The following FAM20B variants were observed in gnomAD, a reference collection of about 807,000 sequenced individuals.
FAM20B encodes glycosaminoglycan xylosylkinase.
Under a neutral mutation model 43.8 loss-of-function variants are expected in FAM20B, and 23 were observed. That is an observed-to-expected ratio of 0.53 (90% CI 0.38 to 0.74). The LOEUF is 0.74. FAM20B is among the 30% of genes least tolerant of loss of function. The probability of loss-of-function intolerance (pLI) is 0.00; values close to 1 mark genes in which losing one functional copy is unlikely to be tolerated. For missense variants in FAM20B, 440 were observed against 510.5 expected, an observed-to-expected ratio of 0.86 and a Z score of 1.33; for synonymous variants, 178 against 192.4, an observed-to-expected ratio of 0.93 and a Z score of 0.62.
intron 2 of FAM20B, 108 bp downstream of exon 2, chr1:179,044,332 A>G (rs1650677064): frequency 8.0e-7 from 1 of 1,245,418 alleles, no homozygotes; most frequent in African/African-American, 1.5e-5. Flanking sequence ...CTTCAGTAAA[A>G]TAAGAGGGGT....
chr1:179,043,790 C>T lies in FAM20B; in HGVS notation c.-58C>T, dbSNP rs1650642368. On this transcript the variant is annotated 5_prime_UTR_variant, in exon 2 of 8. Transcript: ENST00000263733. ...GGAATCTCCTTGCTAACCATCACCA[C>T]CAGCTCTCCTTAATACATGAGCAAG... The T allele has an allele frequency of 1.3e-6, 2 of 1,501,776 alleles. No homozygotes were observed. Among genetic ancestry groups the T allele is most frequent in the East Asian group, 2.3e-5 (1 of 43,894 alleles). The allele number at this position is 1,501,776 out of a possible 1,614,324, so 93.0% of individuals were successfully genotyped here. A position where few individuals can be genotyped will look rare whatever the true frequency, so the allele number is the denominator to read the frequency against.
chr1:179,040,614 G>A (rs1441640008), intron 1 of FAM20B, among the ~76,000 whole-genome samples: 25 of 139,976 alleles, frequency 1.8e-4, no homozygotes, highest in South Asian at 4.4e-4. Context: ...AGGGGCGGCC[G>A]GGCAGAGGCG....
At chr1:179,053,723 A>G (rs1211764760) in intron 3 of FAM20B, among the ~76,000 whole-genome samples, 1 of 152,190 alleles carries the variant, frequency 6.6e-6, no homozygotes, top group African/African-American at 2.4e-5. Context: ...ACTGGGGAAA[A>G]GGTTCATGAT....
chr1:179,058,930 T>G (rs1165290650), intron 4 of FAM20B, among the ~76,000 whole-genome samples: 1 of 152,190 alleles, frequency 6.6e-6, no homozygotes, highest in East Asian at 1.9e-4. Flanking sequence ...GACAAATGAT[T>G]AGTGGAGCTG....
chr1:179,040,355 C>T (rs1194981259), intron 1 of FAM20B, among the ~76,000 whole-genome samples: 1 of 150,718 alleles, frequency 6.6e-6, no homozygotes, highest in Non-Finnish European at 1.5e-5. Context: ...GCCGGCCGGG[C>T]GGGGGGCCAA....
intron 1 of FAM20B, among the ~76,000 whole-genome samples, chr1:179,026,528 G>A (rs1649790110): frequency 6.6e-6 from 1 of 152,160 alleles, no homozygotes; most frequent in Admixed American, 6.5e-5. Flanking sequence ...CGGAGCGCCC[G>A]TTGAGGCAGC....
chr1:179,041,640 G>GGGGAGAC (rs1251051869), intron 1 of FAM20B, among the ~76,000 whole-genome samples: 2 of 123,420 alleles, frequency 1.6e-5, no homozygotes, highest in African/African-American at 3.7e-5. Context: ...GGGAGACCGT[G>GGGGAGAC]GGGAGACGGG....
At chr1:179,047,343 C>T (rs1650814778) in intron 2 of FAM20B, among the ~76,000 whole-genome samples, 1 of 152,196 alleles carries the variant, frequency 6.6e-6, no homozygotes, top group Non-Finnish European at 1.5e-5. Flanking sequence ...GACTTATTAT[C>T]ACTATGTTCC....
At chr1:179,040,176 C>T (rs1303749049) in intron 1 of FAM20B, among the ~76,000 whole-genome samples, 3 of 152,242 alleles carry the variant, frequency 2.0e-5, no homozygotes, top group Non-Finnish European at 1.5e-5. Flanking sequence ...CAATCCTTTC[C>T]CCACCCTTCC....
intron 6 of FAM20B, among the ~76,000 whole-genome samples, chr1:179,066,395 A>G (rs1651690563): frequency 6.6e-6 from 1 of 152,058 alleles, no homozygotes; most frequent in Non-Finnish European, 1.5e-5. Context: ...TCTTTTTACA[A>G]GTAATGGTCA....
At chr1:179,035,378 C>T (rs1229135880) in intron 1 of FAM20B, 13 of 705,732 alleles carry the variant, frequency 1.8e-5, no homozygotes, top group South Asian at 6.8e-5. Flanking sequence ...GTTCGGTCCT[C>T]GTGGGCTTCA....
intron 7 of FAM20B, among the ~76,000 whole-genome samples, chr1:179,067,345 C>G (rs768404406): frequency 2.6e-5 from 4 of 152,184 alleles, no homozygotes; most frequent in African/African-American, 4.8e-5. Context: ...TGGCTCACTC[C>G]TGTAATCCCA....
the FAM20B span, among the ~76,000 whole-genome samples, chr1:179,017,721 C>T: frequency 2.0e-5 from 3 of 152,170 alleles, no homozygotes; most frequent in Admixed American, 1.3e-4. Flanking sequence ...CACACAGCAT[C>T]CACCAGAAGT....
In FAM20B at chr1:179,075,766, T is replaced by C. The variant is rs1357434706; in HGVS notation, c.*3622T>C. The C allele has an allele frequency of 6.6e-6, 1 of 152,358 alleles. No homozygotes were observed. The highest frequency in any genetic ancestry group is 1.5e-5 in the Non-Finnish European group (1 of 67,996). The allele number at this position is 152,358 out of a possible 1,614,324, so 9.4% of individuals were successfully genotyped here. On this transcript the variant is annotated 3_prime_UTR_variant, in exon 8 of 8. Coordinates refer to ENST00000263733, the MANE Select transcript of FAM20B (RefSeq NM_014864.4). Reference sequence around the variant, plus strand: ...TATCTTCCAAAGAAATCGATCTTTTTTTTCTAAAAAAAAAAAATGCTTTTG... The same window carrying C: ...TATCTTCCAAAGAAATCGATCTTTTCTTTCTAAAAAAAAAAAATGCTTTTG...
At chr1:179,064,234 G>C in intron 5 of FAM20B, 71 bp from the exon 6 acceptor site, 1 of 1,453,054 alleles carries the variant, frequency 6.9e-7, no homozygotes, top group Admixed American at 1.9e-5. Context: ...TAGGAACTCT[G>C]TCTTCTCTTT....
chr1:179,040,759 C>T (rs1012226667), intron 1 of FAM20B, among the ~76,000 whole-genome samples: 4 of 150,810 alleles, frequency 2.7e-5, no homozygotes, highest in Non-Finnish European at 5.9e-5. Flanking sequence ...CGGGGGCTGA[C>T]CCCCACCTCC....
intron 1 of FAM20B, among the ~76,000 whole-genome samples, chr1:179,039,291 T>C (rs1206268749): frequency 6.6e-6 from 1 of 152,190 alleles, no homozygotes; most frequent in Non-Finnish European, 1.5e-5. Context: ...TGAGACGGAA[T>C]TGTATGTTCT....
chr1:179,059,604 C>T (rs1013267939), intron 4 of FAM20B, among the ~76,000 whole-genome samples: 9 of 152,066 alleles, frequency 5.9e-5, no homozygotes, highest in African/African-American at 2.2e-4. Flanking sequence ...TTTCCTATAC[C>T]AGGCAGTATT....
At chr1:179,042,511 C>G (rs1023967358) in intron 1 of FAM20B, among the ~76,000 whole-genome samples, 1 of 152,190 alleles carries the variant, frequency 6.6e-6, no homozygotes, top group African/African-American at 2.4e-5. Flanking sequence ...GACCCTAGGT[C>G]TGAGCTCCAC....
Sources: gnomAD v4.1 joint callset for allele counts (sites outside exome capture counted in the v4.1 genomes callset) on GRCh38, gnomAD v4.1.1 for gene constraint, MANE v1.5 for transcripts, NCBI Gene and HGNC (gene_info 2026-07-23, HGNC 2026-07-21) for gene names.